Variants in PRKAG2 observed in about 807,000 individuals in gnomAD.
PRKAG2 encodes 5'-AMP-activated protein kinase subunit gamma-2.
A neutral mutation model predicts 69.6 loss-of-function variants in PRKAG2; 26 were observed. That is an observed-to-expected ratio of 0.37 (90% CI 0.27 to 0.52). The LOEUF (loss-of-function observed/expected upper bound fraction) is 0.52. PRKAG2 is among the 20% of genes least tolerant of loss of function. The probability of loss-of-function intolerance (pLI) is 0.90; values close to 1 mark genes in which losing one functional copy is unlikely to be tolerated. For synonymous variants in PRKAG2, 293 were observed against 285.0 expected (o/e 1.03, Z -0.28); for missense variants, 557 against 740.0 (o/e 0.75, Z 2.87).
In PRKAG2 at chr7:151,814,511, C is replaced by T. The variant is rs142147932; in HGVS notation, c.115-27970G>A. On this transcript the variant is annotated intron_variant, in intron 1 of 15. Coordinates refer to ENST00000287878, the MANE Select transcript of PRKAG2 (RefSeq NM_016203.4). The surrounding 1 kb of genome is among the most constrained non-coding windows in gnomAD (Gnocchi z 4.8). ...GATGGCAGGATGCGAGTGACGGGGACGGGCGGCACTCCCAGCTCTGACAAA... is the reference window on the plus strand; with the variant it reads ...GATGGCAGGATGCGAGTGACGGGGATGGGCGGCACTCCCAGCTCTGACAAA... The T allele has an allele frequency of 5.7e-6, 7 of 1,231,054 alleles. No individual in the cohort carries two copies. The highest frequency in any genetic ancestry group is 4.2e-5 in the South Asian group (1 of 23,752). 76.3% of individuals were successfully genotyped at this position (1,231,054 alleles called of 1,614,324 possible).
chr7:151,757,946 GTTT>G (rs929191545), intron 3 of PRKAG2, among the ~76,000 whole-genome samples: 2 of 152,188 alleles, frequency 1.3e-5, no homozygotes, highest in Admixed American at 6.5e-5. Flanking sequence ...CAGTCAAAAC[GTTT>G]TCAAACCACT....
chr7:151,557,196 G>A lies in PRKAG2; in HGVS notation c.*5C>T, dbSNP rs538072043. The A allele has an allele frequency of 1.7e-5, 28 of 1,614,128 alleles. No individual in the cohort carries two copies. In the East Asian group the frequency reaches 2.0e-4, roughly 12 times the overall value. On this transcript the variant is annotated 3_prime_UTR_variant, in exon 16 of 16. Transcript: ENST00000287878. ...CTCCTCCTAGGGCGTCTACATTCAC[G>A]GCGGTCACTCCGTTTCTGTCTCCTT...
intron 5 of PRKAG2, among the ~76,000 whole-genome samples, chr7:151,630,871 G>A (rs1420451062): frequency 2.6e-5 from 4 of 152,184 alleles, no homozygotes; most frequent in Non-Finnish European, 5.9e-5. Flanking sequence ...AATTAAGTCC[G>A]GTAAAATTCT....
intron 1 of PRKAG2, chr7:151,806,836 G>T (rs1244450181): frequency 2.7e-5 from 10 of 376,968 alleles, no homozygotes; most frequent in Non-Finnish European, 5.1e-5. Flanking sequence ...GCGTGTTGGT[G>T]CATGCTGTAG....
intron 7 of PRKAG2, chr7:151,576,089 A>T: frequency 2.3e-6 from 1 of 425,692 alleles, no homozygotes; most frequent in Non-Finnish European, 4.3e-6. Context: ...CTCCCACCTC[A>T]GCCTCCTGAG....
intron 1 of PRKAG2, among the ~76,000 whole-genome samples, chr7:151,862,568 G>A (rs1034863568): frequency 6.6e-6 from 1 of 152,134 alleles, no homozygotes; most frequent in East Asian, 1.9e-4. Context: ...CATTCAGGTC[G>A]GCTGTGTGAG....
At chr7:151,741,521 T>C (rs76947273) in intron 3 of PRKAG2, among the ~76,000 whole-genome samples, 4,477 of 151,120 alleles carry the variant, frequency 0.03, 204 homozygotes, top group African/African-American at 0.094. Flanking sequence ...CTACTAAAAA[T>C]AAAATTAGCT....
Position 151,699,417 on chromosome 7 carries a change from C to T in PRKAG2, c.467-23780G>A, listed in dbSNP as rs984186747. Among the ~76,000 whole-genome samples, 3 of 152,174 alleles carry T rather than the reference C, an allele frequency of 2.0e-5. No individual in the cohort carries two copies. The highest frequency in any genetic ancestry group is 4.4e-5 in the Non-Finnish European group (3 of 68,034). ...TGCTGAGAAAGAGGCGCTAAGGTGG[C>T]CCTGGAGCCGTGAATTCACTGGGAT... On this transcript the variant is annotated intron_variant, in intron 3 of 15. Coordinates refer to ENST00000287878, the MANE Select transcript of PRKAG2 (RefSeq NM_016203.4). This position sits in a 1 kb window ranked among gnomAD's most constrained non-coding sequence, Gnocchi z 4.5.
At chr7:151,842,641 G>GGT in intron 1 of PRKAG2, among the ~76,000 whole-genome samples, 1 of 118,338 alleles carries the variant, frequency 8.5e-6, no homozygotes, top group Non-Finnish European at 1.8e-5. Context: ...CGATGGTAGG[G>GGT]ATGGTAGTGA....
At chr7:151,869,150 A>G (rs2080153185) in intron 1 of PRKAG2, among the ~76,000 whole-genome samples, 1 of 152,196 alleles carries the variant, frequency 6.6e-6, no homozygotes, top group Non-Finnish European at 1.5e-5. Context: ...GACTCCTAAC[A>G]AGTTTGTGAC....
chr7:151,726,700 CA>C (rs542346265), intron 3 of PRKAG2, among the ~76,000 whole-genome samples: 1 of 150,784 alleles, frequency 6.6e-6, no homozygotes, highest in Admixed American at 6.6e-5. Flanking sequence ...GAAGCCAGAC[CA>C]AAAAAAAATC....
At chr7:151,700,519 G>A (rs1354661451) in intron 3 of PRKAG2, among the ~76,000 whole-genome samples, 2 of 152,228 alleles carry the variant, frequency 1.3e-5, no homozygotes, top group African/African-American at 4.8e-5. Flanking sequence ...ACGCAGGCTT[G>A]TGAATCTGTG....
chr7:151,665,378 C>A (rs1830893678), intron 4 of PRKAG2, among the ~76,000 whole-genome samples: 1 of 152,180 alleles, frequency 6.6e-6, no homozygotes, highest in Non-Finnish European at 1.5e-5. Context: ...CCCAAAGACC[C>A]CGGCCACTGC....
intron 3 of PRKAG2, among the ~76,000 whole-genome samples, chr7:151,682,001 CAG>C (rs1833956627): frequency 6.6e-6 from 1 of 152,134 alleles, no homozygotes; most frequent in African/African-American, 2.4e-5. Context: ...TAAGGTGGGA[CAG>C]CCCCATGTAG....
chr7:151,821,709 A>G (rs1277162068), intron 1 of PRKAG2, among the ~76,000 whole-genome samples: 2 of 152,164 alleles, frequency 1.3e-5, no homozygotes, highest in African/African-American at 4.8e-5. Flanking sequence ...AAGGAGAAAA[A>G]TGCCTCTACT....
At position 151,560,040 on chromosome 7, in the gene PRKAG2, A is replaced by T. The variant is rs73475407; in HGVS notation, c.1678+484T>A. 4,568 of 985,196 alleles carry T rather than the reference A, an allele frequency of 4.6e-3. 8 individuals carry two copies. Among genetic ancestry groups the T allele is most frequent in the Non-Finnish European group, 5.1e-3 (4,206 of 829,758 alleles). The allele number at this position is 985,196 out of a possible 1,614,324, so 61.0% of individuals were successfully genotyped here. ...CAAAAAATGAGTTTAACCACACTCT[A>T]TCTGAAAGTGAATGTGATTTCTGTA... On this transcript the variant is annotated intron_variant, in intron 15 of 15. Transcript: ENST00000287878.
At chr7:151,665,445 G>T (rs1186254330) in intron 4 of PRKAG2, among the ~76,000 whole-genome samples, 1 of 152,156 alleles carries the variant, frequency 6.6e-6, no homozygotes, top group East Asian at 1.9e-4. Flanking sequence ...CCTTCTTTCT[G>T]TTCATTGAGT....
At chr7:151,787,923 C>T (rs2077093539) in intron 1 of PRKAG2, among the ~76,000 whole-genome samples, 1 of 152,152 alleles carries the variant, frequency 6.6e-6, no homozygotes, top group African/African-American at 2.4e-5. Context: ...AAGAGAGGGG[C>T]CCCAGAAAAA....
intron 1 of PRKAG2, among the ~76,000 whole-genome samples, chr7:151,810,993 G>A (rs376727008): frequency 2.0e-5 from 3 of 152,056 alleles, no homozygotes; most frequent in Admixed American, 6.5e-5. Context: ...CCCAGGTGGC[G>A]GAGAGGGCAG....
Sources: allele counts gnomAD v4.1 joint callset (sites outside exome capture counted in the v4.1 genomes callset), GRCh38; gene constraint gnomAD v4.1.1; non-coding constraint Gnocchi (gnomAD v3.1); transcripts MANE v1.5; gene names NCBI Gene and HGNC (gene_info 2026-07-23, HGNC 2026-07-21).